The following RYR3 variants were observed in gnomAD, a reference collection of about 807,000 sequenced individuals.
RYR3 encodes the protein ryanodine receptor 3.
Under a neutral mutation model 584.3 loss-of-function variants are expected in RYR3, and 207 were observed. The ratio of observed to expected loss-of-function variants is 0.35; its 90% CI spans 0.32 to 0.40. The LOEUF (loss-of-function observed/expected upper bound fraction) is 0.40. RYR3 is among the 10% of genes least tolerant of loss of function. RYR3 has a pLI of 1.00. For synonymous variants in RYR3, 2,416 were observed against 2,248.5 expected (o/e 1.07, Z -2.11); for missense variants, 5,616 against 6,089.2 (o/e 0.92, Z 2.59).
chr15:33,849,216 A>C (rs1415696783), intron 94 of RYR3: 1 of 152,204 alleles, frequency 6.6e-6, no homozygotes, highest in African/African-American at 2.4e-5. Context: ...TTACATGGGC[A>C]GGTAAATAGA....
intron 15 of RYR3, among the ~76,000 whole-genome samples, chr15:33,585,173 G>A (rs534697744): frequency 2.0e-4 from 30 of 151,996 alleles, no homozygotes; most frequent in Admixed American, 5.9e-4. Context: ...TTAACAGACC[G>A]GCCAAGAGAG....
intron 43 of RYR3, among the ~76,000 whole-genome samples, chr15:33,717,860 G>A (rs2067617469): frequency 6.6e-6 from 1 of 152,148 alleles, no homozygotes; most frequent in African/African-American, 2.4e-5. Context: ...TCAATGGATA[G>A]TTGAATTCAT....
chr15:33,550,530 A>T (rs997880266), intron 10 of RYR3, among the ~76,000 whole-genome samples: 3 of 152,212 alleles, frequency 2.0e-5, no homozygotes, highest in Admixed American at 2.0e-4. Flanking sequence ...GAGCAAAAGG[A>T]GAGTGTGGAA....
intron 31 of RYR3, among the ~76,000 whole-genome samples, chr15:33,651,131 A>T (rs1384832670): frequency 6.6e-6 from 1 of 152,230 alleles, no homozygotes; most frequent in African/African-American, 2.4e-5. Flanking sequence ...AGCACCTAGG[A>T]TAAGACATAC....
Position 33,644,316 on chromosome 15 carries a change from G to A in RYR3, c.3562G>A (p.Val1188Met), listed in dbSNP as rs752683815. The stretch of plus-strand genomic sequence containing the variant: ...TCTCTCTAACTCTTCTGCAGGCTTC[G>A]TGCCCATCTGCTGTCTGGGTCTATC... ...FADYEIENGFVPICCLGLSQI... is the reference protein window; with the variant it reads ...FADYEIENGFMPICCLGLSQI... The change falls in exon 28 of 104, where the codon GTG (valine) becomes ATG (methionine). Residue 1188 changes from valine to methionine, a missense_variant. By Grantham distance (21) the Val-to-Met change is conservative. Coordinates refer to ENST00000634891, the MANE Select transcript of RYR3 (RefSeq NM_001036.6). The A allele has an allele frequency of 5.6e-6, 9 of 1,609,238 alleles. No individual in the cohort carries two copies. The highest frequency in any genetic ancestry group is 2.2e-5 in the East Asian group (1 of 44,772).
At chr15:33,405,655 T>C (rs761955860) in intron 1 of RYR3, among the ~76,000 whole-genome samples, 5 of 152,250 alleles carry the variant, frequency 3.3e-5, no homozygotes, top group African/African-American at 4.8e-5. Context: ...ATAGTAATGA[T>C]GTATATTAAC....
At chr15:33,487,467 T>C (rs546122492) in intron 2 of RYR3, among the ~76,000 whole-genome samples, 1 of 152,298 alleles carries the variant, frequency 6.6e-6, no homozygotes, top group East Asian at 1.9e-4. Flanking sequence ...ATGTAGCAGA[T>C]AGATGCTGGA....
chr15:33,814,027 T>A (rs35876065), intron 74 of RYR3, among the ~76,000 whole-genome samples: 10,402 of 152,294 alleles, frequency 0.068, 492 homozygotes, highest in Middle Eastern at 0.11. Context: ...AACTTGAAAA[T>A]CTTTTAGCAC....
At chr15:33,639,585 G>A (rs1277346183) in intron 27 of RYR3, among the ~76,000 whole-genome samples, 1 of 152,088 alleles carries the variant, frequency 6.6e-6, no homozygotes, top group Non-Finnish European at 1.5e-5. Flanking sequence ...CAAAATGCCC[G>A]ACGTGCTTGT....
At chr15:33,710,802 C>T (rs537090400) in intron 43 of RYR3, among the ~76,000 whole-genome samples, 1 of 152,324 alleles carries the variant, frequency 6.6e-6, no homozygotes, top group East Asian at 1.9e-4. Flanking sequence ...AGTGGCAGCC[C>T]AAGTTTTAGC....
chr15:33,314,095 G>A (rs1209192744), intron 1 of RYR3, among the ~76,000 whole-genome samples: 1 of 152,194 alleles, frequency 6.6e-6, no homozygotes, highest in Non-Finnish European at 1.5e-5. Flanking sequence ...AAGGGCTTTG[G>A]AAGCTTAAAC....
chr15:33,829,519 C>T (rs1371214047), intron 85 of RYR3, among the ~76,000 whole-genome samples: 1 of 151,974 alleles, frequency 6.6e-6, no homozygotes, highest in Non-Finnish European at 1.5e-5. Flanking sequence ...GAGGCCAAGG[C>T]AGGAGGATCA....
At chr15:33,660,889 T>C (rs4780141) in intron 34 of RYR3, among the ~76,000 whole-genome samples, 134,405 of 151,912 alleles carry the variant, frequency 0.88, 60,584 homozygotes, top group Non-Finnish European at 0.97. Context: ...ACATTGCTCT[T>C]TTCATCTACA....
intron 12 of RYR3, 90 bp from the exon 13 acceptor site, chr15:33,579,886 G>A (rs1008312528): frequency 2.2e-5 from 21 of 959,518 alleles, no homozygotes; most frequent in Non-Finnish European, 2.9e-5. Flanking sequence ...GGTGCACCGT[G>A]GGGGGCTGTT....
chr15:33,817,907 G>T (rs2076903429), intron 75 of RYR3, among the ~76,000 whole-genome samples: 1 of 152,162 alleles, frequency 6.6e-6, no homozygotes, highest in Non-Finnish European at 1.5e-5. Flanking sequence ...GCCACTGCTA[G>T]AAAATTCACT....
chr15:33,431,057 C>T (rs1321770523), intron 1 of RYR3, among the ~76,000 whole-genome samples: 1 of 152,172 alleles, frequency 6.6e-6, no homozygotes, highest in Non-Finnish European at 1.5e-5. Context: ...GTTGTAATGT[C>T]AAGAATGGGT....
chr15:33,678,407 G>T (rs1341335930), intron 38 of RYR3, among the ~76,000 whole-genome samples: 1 of 152,152 alleles, frequency 6.6e-6, no homozygotes, highest in Admixed American at 6.5e-5. Flanking sequence ...ATGATAAGAT[G>T]TGCTTGCTTC....
Position 33,848,384 on chromosome 15 carries a change from A to T in RYR3, c.13591A>T (p.Ile4531Phe). The T allele has an allele frequency of 6.2e-7, 1 of 1,613,580 alleles. No individual in the cohort carries two copies. Residue 4531 changes from isoleucine (I) to phenylalanine (F), a missense_variant, in exon 94 of 104, where the codon ATC becomes TTC. By Grantham distance (21) the Ile-to-Phe change is conservative. Around this residue, in one of 9 missense-constraint regions of RYR3, gnomAD observed 918 missense variants for 887.4 expected, o/e 1.03. Transcript: ENST00000634891. ...YITEQPSEDDIKGQWDRLVIN... is the reference protein window; with the variant it reads ...YITEQPSEDDFKGQWDRLVIN... The stretch of plus-strand genomic sequence containing the variant: ...CACCGAACAGCCATCTGAAGATGAC[A>T]TCAAGGGGCAGTGGGACCGCTTGGT...
intron 4 of RYR3, among the ~76,000 whole-genome samples, chr15:33,532,391 C>T (rs991046961): frequency 1.3e-5 from 2 of 151,916 alleles, no homozygotes; most frequent in African/African-American, 4.8e-5. Context: ...ACCTTCTGTC[C>T]CATGGTCATG....
Sources: allele counts gnomAD v4.1 joint callset (sites outside exome capture counted in the v4.1 genomes callset), GRCh38; gene constraint gnomAD v4.1.1; regional missense constraint gnomAD v4.1.1; transcripts MANE v1.5; gene names NCBI Gene and HGNC (gene_info 2026-07-23, HGNC 2026-07-21).